The following JAKMIP2 variants were observed in gnomAD, a reference collection of about 807,000 sequenced individuals.
JAKMIP2 encodes the protein janus kinase and microtubule interacting protein 2.
A neutral mutation model predicts 115.0 loss-of-function variants in JAKMIP2; 25 were observed. The observed-to-expected ratio is 0.22, with a 90% CI of 0.16 to 0.30. JAKMIP2 has a LOEUF of 0.30. JAKMIP2 is among the 10% of genes least tolerant of loss of function. The pLI is 1.00. For missense variants in JAKMIP2, 642 were observed against 957.6 expected, an observed-to-expected ratio of 0.67 and a Z score of 4.35; for synonymous variants, 334 against 343.6, an observed-to-expected ratio of 0.97 and a Z score of 0.31.
chr5:147,708,755 A>G (rs1198449183), intron 1 of JAKMIP2, among the ~76,000 whole-genome samples: 1 of 152,222 alleles, frequency 6.6e-6, no homozygotes. Context: ...AATCAAAGAA[A>G]TTCGACAGTT....
intron 1 of JAKMIP2, among the ~76,000 whole-genome samples, chr5:147,715,455 T>C (rs1223619908): frequency 6.6e-6 from 1 of 150,906 alleles, no homozygotes; most frequent in Admixed American, 6.6e-5. Flanking sequence ...TAATTAAATA[T>C]ATATGTATTA....
intron 1 of JAKMIP2, among the ~76,000 whole-genome samples, chr5:147,705,317 A>G (rs1041596784): frequency 7.9e-5 from 12 of 152,160 alleles, no homozygotes; most frequent in Non-Finnish European, 1.3e-4. Context: ...TAAGTAAACA[A>G]TAAGGCCGGG....
At chr5:147,748,152 C>G (rs970378997) in intron 1 of JAKMIP2, among the ~76,000 whole-genome samples, 4 of 152,118 alleles carry the variant, frequency 2.6e-5, no homozygotes, top group African/African-American at 9.7e-5. Flanking sequence ...AATCCTGGCT[C>G]TACTTCTTGT....
chr5:147,751,007 T>C (rs1479322422), intron 1 of JAKMIP2, among the ~76,000 whole-genome samples: 2 of 152,164 alleles, frequency 1.3e-5, no homozygotes, highest in Non-Finnish European at 2.9e-5. Flanking sequence ...CTAACATTTG[T>C]ATTAAATTCT....
rs79603100 is a variant in JAKMIP2 at position 147,630,608 on chromosome 5, A to G, written c.1875+805T>C. On this transcript the variant is annotated intron_variant, in intron 14 of 21. Transcript: ENST00000616793. ...TCTCATGTTCAAACAGCAGTATAGT[A>G]GAGCCCTACCACCAGGAAAGGGAAA... 9.7e-3 allele frequency among the ~76,000 whole-genome samples: 1,484 copies of G among 152,270 alleles called. 26 individuals are homozygous for G. Among genetic ancestry groups the G allele is most frequent in the African/African-American group, 0.034 (1,433 of 41,566 alleles).
At chr5:147,618,821 T>C (rs1756713002) in intron 18 of JAKMIP2, among the ~76,000 whole-genome samples, 1 of 152,166 alleles carries the variant, frequency 6.6e-6, no homozygotes, top group Non-Finnish European at 1.5e-5. Flanking sequence ...ACGGTGGCCA[T>C]ACTTCTGGAA....
chr5:147,697,766 G>A (rs1752162562), intron 1 of JAKMIP2, among the ~76,000 whole-genome samples: 1 of 152,246 alleles, frequency 6.6e-6, no homozygotes, highest in Admixed American at 6.5e-5. Flanking sequence ...GGGAACCTCT[G>A]CCTAGATTTC....
intron 1 of JAKMIP2, among the ~76,000 whole-genome samples, chr5:147,734,802 T>G (rs1753860046): frequency 6.6e-6 from 1 of 152,166 alleles, no homozygotes; most frequent in African/African-American, 2.4e-5. Context: ...GAATTGATTT[T>G]GGGGTAAGAT....
chr5:147,640,069 A>G (rs1188134517), intron 9 of JAKMIP2, among the ~76,000 whole-genome samples: 1 of 152,212 alleles, frequency 6.6e-6, no homozygotes, highest in Non-Finnish European at 1.5e-5. Flanking sequence ...AAAAAGTCAT[A>G]TCCAGATTTT....
chr5:147,713,388 T>C (rs1047644513), intron 1 of JAKMIP2, among the ~76,000 whole-genome samples: 7 of 152,200 alleles, frequency 4.6e-5, no homozygotes, highest in Admixed American at 3.9e-4. Flanking sequence ...ACATTCACTA[T>C]ATACCAGGTA....
At chr5:147,775,774 A>C (rs1755530956) in intron 1 of JAKMIP2, among the ~76,000 whole-genome samples, 1 of 152,082 alleles carries the variant, frequency 6.6e-6, no homozygotes. Flanking sequence ...CCTTTAGGGG[A>C]CTCTCATTCT....
At chr5:147,732,209 A>G (rs1311748086) in intron 1 of JAKMIP2, among the ~76,000 whole-genome samples, 1 of 152,186 alleles carries the variant, frequency 6.6e-6, no homozygotes, top group Non-Finnish European at 1.5e-5. Flanking sequence ...GTCTATGTTT[A>G]GTGAATTCTT....
intron 1 of JAKMIP2, among the ~76,000 whole-genome samples, chr5:147,723,760 T>C (rs1019589044): frequency 1.1e-4 from 17 of 152,274 alleles, no homozygotes; most frequent in African/African-American, 3.9e-4. Flanking sequence ...CCACATGGCT[T>C]AAAAAGTACT....
chr5:147,751,785 A>G (rs555648549), intron 1 of JAKMIP2, among the ~76,000 whole-genome samples: 1 of 152,280 alleles, frequency 6.6e-6, no homozygotes, highest in East Asian at 1.9e-4. Flanking sequence ...TTGGGCAAGG[A>G]GGGTGGCATA....
chr5:147,612,286 T>C lies in JAKMIP2; in HGVS notation c.2412+20A>G, dbSNP rs1342493539. The C allele has an allele frequency of 2.2e-6, 3 of 1,395,018 alleles. No individual in the cohort carries two copies. The highest frequency in any genetic ancestry group is 1.7e-5 in the Admixed American group (1 of 58,908). The allele number at this position is 1,395,018 out of a possible 1,614,324, so 86.4% of individuals were successfully genotyped here. ...TCTGATTAAACAAATAATAAGATAG[T>C]TATTGAATTTGACACCTACCTTTTC... On this transcript the variant is annotated intron_variant, in intron 20 of 21. Transcript: ENST00000616793.
chr5:147,625,015 CTG>C (rs1292505975), intron 16 of JAKMIP2, among the ~76,000 whole-genome samples: 8 of 151,672 alleles, frequency 5.3e-5, no homozygotes, highest in Non-Finnish European at 1.0e-4. Flanking sequence ...AAGTTTCACT[CTG>C]TCACCCAGGC....
At chr5:147,695,552 A>C (rs528786222) in intron 1 of JAKMIP2, among the ~76,000 whole-genome samples, 2 of 152,298 alleles carry the variant, frequency 1.3e-5, no homozygotes, top group East Asian at 3.9e-4. Flanking sequence ...CATGGGCATC[A>C]GGCCCAGATA....
intron 1 of JAKMIP2, among the ~76,000 whole-genome samples, chr5:147,747,032 T>A (rs752728581): frequency 6.6e-6 from 1 of 152,204 alleles, no homozygotes; most frequent in Non-Finnish European, 1.5e-5. Context: ...TGTCCAATGC[T>A]TACTGATGAT....
At chr5:147,653,381 T>A (rs1758507508) in intron 3 of JAKMIP2, among the ~76,000 whole-genome samples, 1 of 152,164 alleles carries the variant, frequency 6.6e-6, no homozygotes, top group Admixed American at 6.6e-5. Context: ...TACTGTTGCT[T>A]GACTTTTTAA....
Sources: gnomAD v4.1 joint callset for allele counts (sites outside exome capture counted in the v4.1 genomes callset) on GRCh38, gnomAD v4.1.1 for gene constraint, MANE v1.5 for transcripts, NCBI Gene and HGNC (gene_info 2026-07-23, HGNC 2026-07-21) for gene names.